MALRD1: variants seen among roughly 807,000 people sequenced by gnomAD.
The protein encoded by MALRD1 is MAM and LDL receptor class A domain containing 1.
Under a neutral mutation model 242.1 loss-of-function variants are expected in MALRD1, and 247 were observed. The ratio of observed to expected loss-of-function variants is 1.02; its 90% CI spans 0.92 to 1.13. MALRD1 has a LOEUF of 1.13. Ranked by LOEUF, MALRD1 falls within the 50% of genes most tolerant of loss-of-function variation. The pLI is 0.00. For missense variants in MALRD1, 2,989 were observed against 2,533.1 expected (o/e 1.18, Z -3.86); for synonymous variants, 995 against 866.6 (o/e 1.15, Z -2.60).
At chr10:19,601,549 A>T (rs180951109) in intron 34 of MALRD1, among the ~76,000 whole-genome samples, 7 of 152,218 alleles carry the variant, frequency 4.6e-5, no homozygotes, top group Admixed American at 6.5e-5. Context: ...TACAAATTTC[A>T]TAAAGCCAAA....
chr10:19,377,859 CA>C (rs1845675382), intron 26 of MALRD1, among the ~76,000 whole-genome samples: 1 of 152,006 alleles, frequency 6.6e-6, no homozygotes, highest in Admixed American at 6.6e-5. Context: ...AATTTCCTTT[CA>C]GTGGATTTTA....
intron 36 of MALRD1, among the ~76,000 whole-genome samples, chr10:19,653,868 G>A (rs998215873): frequency 6.6e-6 from 1 of 152,062 alleles, no homozygotes; most frequent in Non-Finnish European, 1.5e-5. Context: ...AGACTATGAT[G>A]GAGAGCTAAT....
chr10:19,453,685 GGC>G (rs1454955763), intron 29 of MALRD1, among the ~76,000 whole-genome samples: 7 of 151,902 alleles, frequency 4.6e-5, no homozygotes, highest in Non-Finnish European at 1.0e-4. Context: ...AGACCAGCCT[GGC>G]CAACATGGTG....
intron 12 of MALRD1, among the ~76,000 whole-genome samples, chr10:19,160,174 T>G (rs1834337035): frequency 8.5e-5 from 13 of 152,182 alleles, no homozygotes; most frequent in Admixed American, 8.5e-4. Flanking sequence ...TCAAGAAAAT[T>G]TCCTTGAATT....
chr10:19,296,920 A>G (rs1588872814), intron 21 of MALRD1, among the ~76,000 whole-genome samples: 1 of 151,754 alleles, frequency 6.6e-6, no homozygotes, highest in Non-Finnish European at 1.5e-5. Flanking sequence ...TCTCATGATT[A>G]TTACTAATTA....
At chr10:19,715,345 C>T (rs918791356) in intron 38 of MALRD1, among the ~76,000 whole-genome samples, 3 of 150,354 alleles carry the variant, frequency 2.0e-5, no homozygotes, top group African/African-American at 7.3e-5. Context: ...GACAAGATAT[C>T]CATTATAACT....
intron 1 of MALRD1, among the ~76,000 whole-genome samples, chr10:19,050,715 C>T (rs974942198): frequency 2.0e-5 from 3 of 152,152 alleles, no homozygotes; most frequent in African/African-American, 7.2e-5. Context: ...GCTTGTTGCA[C>T]CTTGCTCTGG....
At chr10:19,181,407 T>A (rs937744737) in intron 14 of MALRD1, among the ~76,000 whole-genome samples, 3 of 152,168 alleles carry the variant, frequency 2.0e-5, no homozygotes, top group African/African-American at 7.2e-5. Flanking sequence ...ATTTTTCACA[T>A]CCTAGGTGAA....
chr10:19,425,883 A>C (rs1833887083), intron 28 of MALRD1, among the ~76,000 whole-genome samples: 2 of 152,118 alleles, frequency 1.3e-5, no homozygotes, highest in Non-Finnish European at 2.9e-5. Flanking sequence ...CTCATTCATT[A>C]GTCTTGCCTC....
intron 26 of MALRD1, among the ~76,000 whole-genome samples, chr10:19,368,027 T>G (rs975060343): frequency 1.3e-5 from 2 of 152,126 alleles, no homozygotes; most frequent in South Asian, 4.1e-4. Context: ...GTTGGATGGA[T>G]AGTTTGCAAC....
Position 19,347,906 on chromosome 10 carries a change from T to A in MALRD1, c.4037T>A (p.Leu1346Ter). The A allele has an allele frequency of 2.6e-6, 4 of 1,550,390 alleles. No individual in the cohort carries two copies. Among genetic ancestry groups the A allele is most frequent in the Non-Finnish European group, 2.6e-6 (3 of 1,146,842 alleles). The change falls in exon 25 of 40, where the codon TTG becomes TAG. Residue 1346 changes from leucine to a stop codon, truncating the protein, a stop_gained. Transcript: ENST00000454679. LOFTEE classifies it high-confidence loss of function. The stretch of plus-strand genomic sequence containing the variant: ...ACAGAGCCAGCAGCAGATCACACTT[T>A]GGGAAATTCATCTGGTCATTACATC... ...AGTEPAADHT[L>*]GNSSGHYIFI...
At chr10:19,693,752 G>A (rs1342580573) in intron 38 of MALRD1, among the ~76,000 whole-genome samples, 1 of 152,170 alleles carries the variant, frequency 6.6e-6, no homozygotes, top group African/African-American at 2.4e-5. Flanking sequence ...AACCAAAAAA[G>A]AGCCCGCATT....
At chr10:19,141,782 G>A (rs981866562) in intron 10 of MALRD1, among the ~76,000 whole-genome samples, 3 of 152,070 alleles carry the variant, frequency 2.0e-5, no homozygotes, top group African/African-American at 4.8e-5. Flanking sequence ...CACAGGGGAC[G>A]TTGGTATAAT....
intron 31 of MALRD1, among the ~76,000 whole-genome samples, chr10:19,499,374 T>C (rs547932640): frequency 2.1e-4 from 32 of 152,040 alleles, no homozygotes; most frequent in African/African-American, 7.5e-4. Flanking sequence ...AACATTTAAA[T>C]TGATGAACTT....
At chr10:19,639,412 CT>C (rs1409628215) in intron 36 of MALRD1, among the ~76,000 whole-genome samples, 1 of 152,192 alleles carries the variant, frequency 6.6e-6, no homozygotes, top group African/African-American at 2.4e-5. Flanking sequence ...AATTCTCTGC[CT>C]ACCACACGTG....
At chr10:19,598,330 G>A (rs544320002) in intron 34 of MALRD1, 2 of 152,270 alleles carry the variant, frequency 1.3e-5, no homozygotes, top group South Asian at 4.1e-4. Context: ...AGAAGCACAA[G>A]GAAGAGGCAC....
rs143582150 is a variant in MALRD1, at chr10:19,253,148, A to G, written c.2992-4536A>G. Among the ~76,000 whole-genome samples, 390 of 152,120 alleles carry G rather than the reference A, an allele frequency of 2.6e-3. 2 individuals carry two copies. The highest frequency in any genetic ancestry group is 8.5e-3 in the African/African-American group (353 of 41,542). On this transcript the variant is annotated intron_variant, in intron 18 of 39. Coordinates refer to ENST00000454679, the MANE Select transcript of MALRD1 (RefSeq NM_001142308.3). Reference sequence around the variant, plus strand: ...GCATTTTTGATTATTGGAAAATCCAATGAAAAATAAGTGGGTGTCATTAAG... The same window carrying G: ...GCATTTTTGATTATTGGAAAATCCAGTGAAAAATAAGTGGGTGTCATTAAG...
chr10:19,418,521 A>G (rs1416529221), intron 28 of MALRD1, among the ~76,000 whole-genome samples: 1 of 151,782 alleles, frequency 6.6e-6, no homozygotes, highest in African/African-American at 2.4e-5. Flanking sequence ...GTTTGTTTTT[A>G]GTGCCTTCCA....
chr10:19,125,443 C>CTT (rs370105211), intron 7 of MALRD1, among the ~76,000 whole-genome samples: 1 of 140,772 alleles, frequency 7.1e-6, no homozygotes, highest in Non-Finnish European at 1.5e-5. Context: ...CTTTCTTTCT[C>CTT]TCTTTCAACA....
Sources: gnomAD v4.1 joint callset for allele counts (sites outside exome capture counted in the v4.1 genomes callset) on GRCh38, gnomAD v4.1.1 for gene constraint, MANE v1.5 for transcripts, NCBI Gene and HGNC (gene_info 2026-07-23, HGNC 2026-07-21) for gene names.